The following SOS2 variants were observed in gnomAD, a reference collection of about 807,000 sequenced individuals.
SOS2 encodes the protein SOS Ras/Rho guanine nucleotide exchange factor 2, also known as son of sevenless homolog 2.
In SOS2, 65 loss-of-function variants were observed where a neutral mutation model predicts 148.2. The ratio of observed to expected loss-of-function variants is 0.44; its 90% CI spans 0.36 to 0.54. The LOEUF (loss-of-function observed/expected upper bound fraction) is 0.54, where lower values mean the gene tolerates loss of function less well. Among genes scored for constraint, SOS2 ranks in the 20% least tolerant of loss-of-function variants. The probability of loss-of-function intolerance (pLI) is 0.00; values close to 1 mark genes in which losing one functional copy is unlikely to be tolerated. For synonymous variants in SOS2, 539 were observed against 537.1 expected, an observed-to-expected ratio of 1.00 and a Z score of -0.05; for missense variants, 1,341 against 1,590.2, an observed-to-expected ratio of 0.84 and a Z score of 2.67.
chr14:50,186,435 T>C (rs1885914425), intron 5 of SOS2, among the ~76,000 whole-genome samples: 1 of 152,056 alleles, frequency 6.6e-6, no homozygotes, highest in Non-Finnish European at 1.5e-5. Context: ...AATTATAACG[T>C]GGTAGAAAAG....
intron 1 of SOS2, among the ~76,000 whole-genome samples, chr14:50,212,291 C>A (rs543733863): frequency 6.6e-6 from 1 of 152,090 alleles, no homozygotes; most frequent in Non-Finnish European, 1.5e-5. Context: ...CTGGCCAACA[C>A]GGTGAAACCC....
In SOS2 at chr14:50,134,247, T is replaced by G. The variant is rs1161315491; in HGVS notation, c.2959-8A>C. The G allele has an allele frequency of 1.6e-6, 2 of 1,260,558 alleles. No homozygotes were observed. The highest frequency in any genetic ancestry group is 2.3e-6 in the Non-Finnish European group (2 of 868,806). 78.1% of individuals were successfully genotyped at this position (1,260,558 alleles called of 1,614,324 possible). A position where few individuals can be genotyped will look rare whatever the true frequency, so the allele number is the denominator to read the frequency against. On this transcript the variant is annotated splice_polypyrimidine_tract_variant and splice_region_variant and intron_variant, in intron 18 of 22. Transcript: ENST00000216373. ...AAGGTTTTCAAAGAATCTCTGGAAT[T>G]AAACAAATAACACAAGTGCATATAT...
chr14:50,206,202 T>C (rs1486225932), intron 1 of SOS2, among the ~76,000 whole-genome samples: 1 of 152,236 alleles, frequency 6.6e-6, no homozygotes, highest in Non-Finnish European at 1.5e-5. Context: ...GATGGATACT[T>C]TGCTCATTTT....
intron 19 of SOS2, among the ~76,000 whole-genome samples, chr14:50,133,364 AT>A (rs1883969531): frequency 6.8e-6 from 1 of 147,036 alleles, no homozygotes; most frequent in Non-Finnish European, 1.5e-5. Flanking sequence ...TGCCTGGCTA[AT>A]TTTTTTGTAT....
At chr14:50,202,713 T>G (rs1317535485) in intron 2 of SOS2, among the ~76,000 whole-genome samples, 1 of 149,600 alleles carries the variant, frequency 6.7e-6, no homozygotes, top group Non-Finnish European at 1.5e-5. Flanking sequence ...CTAGTCTGGG[T>G]GATAAAGCAA....
chr14:50,185,628 G>A (rs1378022808), intron 5 of SOS2, among the ~76,000 whole-genome samples: 1 of 150,490 alleles, frequency 6.6e-6, no homozygotes, highest in Non-Finnish European at 1.5e-5. Context: ...GGAGGTAGAG[G>A]TTGCAGTGAG....
At chr14:50,212,940 C>T (rs2355883) in intron 1 of SOS2, among the ~76,000 whole-genome samples, 137,552 of 152,266 alleles carry the variant, frequency 0.9, 62,309 homozygotes, top group African/African-American at 0.96. Context: ...CAATATCAAA[C>T]GCCATGCTAA....
At chr14:50,178,527 A>C (rs377684919) in intron 7 of SOS2, among the ~76,000 whole-genome samples, 10 of 151,382 alleles carry the variant, frequency 6.6e-5, no homozygotes, top group African/African-American at 2.4e-4. Context: ...GCAGTGTTGC[A>C]ATCTCGGCTC....
At chr14:50,164,618 G>A (rs2139646788) in intron 8 of SOS2, among the ~76,000 whole-genome samples, 1 of 150,498 alleles carries the variant, frequency 6.6e-6, no homozygotes, top group South Asian at 2.1e-4. Flanking sequence ...GTGATAAGGC[G>A]AGATTCTGTC....
In SOS2 at chr14:50,201,848, T is replaced by C. The variant is rs75094389; in HGVS notation, c.214-764A>G. Among the ~76,000 whole-genome samples the C allele has an allele frequency of 1.8e-4, 27 of 152,300 alleles. No homozygotes were observed. The East Asian group carries it at 4.4e-3, about 25-fold the overall frequency. ...TTAGAGCTTCAAATAAAAGAGGTCA[T>C]GTATCTCTTGGAAGATGAAATGGGT... On this transcript the variant is annotated intron_variant, in intron 2 of 22. Coordinates refer to ENST00000216373, the MANE Select transcript of SOS2 (RefSeq NM_006939.4).
intron 8 of SOS2, among the ~76,000 whole-genome samples, chr14:50,169,913 A>G (rs1885305254): frequency 6.6e-6 from 1 of 151,892 alleles, no homozygotes; most frequent in African/African-American, 2.4e-5. Flanking sequence ...TTCTTCTCAG[A>G]TAAATTTTGT....
chr14:50,157,134 G>C lies in SOS2; in HGVS notation c.1935-13C>G, dbSNP rs764835554. Reference sequence around the variant, plus strand: ...TGGAATTTCAAACCTAAGAAGAAAAGCAAAAGGAGAAAAATCCGTTCATAC... The same window carrying C: ...TGGAATTTCAAACCTAAGAAGAAAACCAAAAGGAGAAAAATCCGTTCATAC... On this transcript the variant is annotated splice_polypyrimidine_tract_variant and intron_variant, in intron 11 of 22. Transcript: ENST00000216373. The C allele has an allele frequency of 1.8e-5, 29 of 1,606,256 alleles. No individual in the cohort carries two copies. In the African/African-American group the frequency reaches 3.4e-4, roughly 19 times the overall value.
At chr14:50,188,352 G>A (rs777928206) in intron 5 of SOS2, 145 bp downstream of exon 5, 8 of 593,174 alleles carry the variant, frequency 1.3e-5, no homozygotes, top group Non-Finnish European at 2.1e-5. Context: ...GCAGTGGTGC[G>A]AGCTGAGATC....
chr14:50,161,594 T>C lies in SOS2; in HGVS notation c.1084A>G (p.Ser362Gly). ...CATTCTCTGTCTTCTTGTTCTTCAC[T>C]ACATGCTTTCAATTGCTAAGAAAAA... ...FELLKQLKAC[S>G]EEQEDRECLN... Residue 362 changes from serine (S) to glycine (G), a missense_variant, in exon 9 of 23, where the codon AGT becomes GGT. Physicochemically the swap from Ser to Gly is moderately conservative, Grantham distance 56. Around this residue, in one of 4 missense-constraint regions of SOS2, gnomAD observed 574 missense variants for 711.1 expected, o/e 0.81. Coordinates refer to ENST00000216373, the MANE Select transcript of SOS2 (RefSeq NM_006939.4). The C allele has an allele frequency of 6.2e-7, 1 of 1,612,070 alleles. No individual in the cohort carries two copies. Among genetic ancestry groups the C allele is most frequent in the South Asian group, 1.1e-5 (1 of 90,668 alleles).
intron 5 of SOS2, among the ~76,000 whole-genome samples, chr14:50,184,420 C>T (rs6572646): frequency 0.6 from 91,327 of 151,858 alleles, 28,206 homozygotes; most frequent in Non-Finnish European, 0.68. Flanking sequence ...CTAAGAATAT[C>T]CTGAGTGATA....
At position 50,133,594 on chromosome 14, in the gene SOS2, T is replaced by C. The variant is rs1039964766; in HGVS notation, c.3075+529A>G. ...ACTTCCTGCTTCACCTAAAGTTGGTTTGTGTTTTTACTTCCTTCTATATCT... is the reference window on the plus strand; with the variant it reads ...ACTTCCTGCTTCACCTAAAGTTGGTCTGTGTTTTTACTTCCTTCTATATCT... On this transcript the variant is annotated intron_variant, in intron 19 of 22. Coordinates refer to ENST00000216373, the MANE Select transcript of SOS2 (RefSeq NM_006939.4). 7.9e-5 allele frequency among the ~76,000 whole-genome samples: 12 copies of C among 152,320 alleles called. No homozygotes were observed. In the South Asian group the frequency reaches 1.7e-3, roughly 21 times the overall value.
intron 17 of SOS2, 35 bp from the exon 18 acceptor site, chr14:50,138,819 T>A: frequency 2.7e-6 from 2 of 739,458 alleles, no homozygotes; most frequent in Non-Finnish European, 4.1e-6. Flanking sequence ...AAAGAAAAGT[T>A]ATTTTAAATT....
intron 4 of SOS2, among the ~76,000 whole-genome samples, chr14:50,193,909 C>A (rs1348887959): frequency 1.3e-5 from 2 of 151,942 alleles, no homozygotes; most frequent in African/African-American, 2.4e-5. Flanking sequence ...CACGTCTGGA[C>A]GATTTTTTGT....
chr14:50,159,309 G>A lies in SOS2; in HGVS notation c.1852+122C>T. On this transcript the variant is annotated intron_variant, in intron 10 of 22. Transcript: ENST00000216373. ...TCTCTTATTTATTCCTTTTGTTTTT[G>A]CAGTATTTTTATATTTTGGAGGCAA... is the stretch of plus-strand genomic sequence containing the variant. The A allele has an allele frequency of 7.1e-6, 4 of 560,854 alleles. No homozygotes were observed. In the South Asian group the frequency reaches 9.6e-5, roughly 14 times the overall value. The allele number at this position is 560,854 out of a possible 1,614,324, so 34.7% of individuals were successfully genotyped here.
Sources: gnomAD v4.1 joint callset for allele counts (sites outside exome capture counted in the v4.1 genomes callset) on GRCh38, gnomAD v4.1.1 for gene constraint, gnomAD v4.1.1 regional missense constraint, MANE v1.5 for transcripts, NCBI Gene and HGNC (gene_info 2026-07-23, HGNC 2026-07-21) for gene names.